CTNND1: variants seen among roughly 807,000 people sequenced by gnomAD.
CTNND1 encodes catenin delta 1.
Under a neutral mutation model 112.1 loss-of-function variants are expected in CTNND1, and 16 were observed. The observed-to-expected ratio is 0.14, with a 90% CI of 0.10 to 0.22. The LOEUF (loss-of-function observed/expected upper bound fraction) is 0.22. CTNND1 is among the 10% of genes least tolerant of loss of function. The pLI, the probability that CTNND1 is intolerant of heterozygous loss-of-function variation, is 1.00. For synonymous variants in CTNND1, 420 were observed against 446.5 expected (o/e 0.94, Z 0.75); for missense variants, 1,008 against 1,257.0 (o/e 0.80, Z 3.00).
intron 1 of CTNND1, among the ~76,000 whole-genome samples, chr11:57,765,368 A>G (rs1950790826): frequency 1.3e-5 from 2 of 152,164 alleles, no homozygotes; most frequent in Admixed American, 6.5e-5. Context: ...CTTGAAAGGA[A>G]GCAAAACAAC....
chr11:57,803,879 AT>A, intron 8 of CTNND1, 75 bp downstream of exon 8: 7 of 1,171,348 alleles, frequency 6.0e-6, no homozygotes, highest in African/African-American at 1.6e-5. Flanking sequence ...AAAAAAAAAA[AT>A]TAAAATTCTT....
chr11:57,785,985 A>G (rs931111809), intron 1 of CTNND1, among the ~76,000 whole-genome samples: 1 of 151,964 alleles, frequency 6.6e-6, no homozygotes, highest in Admixed American at 6.6e-5. Flanking sequence ...TATCATTATC[A>G]TTGCTTGGAT....
intron 15 of CTNND1, 27 bp downstream of exon 15, chr11:57,809,493 C>T (rs566839413): frequency 1.5e-5 from 23 of 1,578,948 alleles, no homozygotes; most frequent in Middle Eastern, 1.7e-4. Context: ...AAATTACAGT[C>T]AAAAGAATTT....
In CTNND1 at chr11:57,818,892, G is replaced by T. The variant is rs1010750543; in HGVS notation, c.*2584G>T. 2.0e-5 allele frequency: 3 copies of T among 152,100 alleles called. No homozygotes were observed. Among genetic ancestry groups the T allele is most frequent in the African/African-American group, 4.8e-5 (2 of 41,428 alleles). The allele number at this position is 152,100 out of a possible 1,614,324, so 9.4% of individuals were successfully genotyped here. A position where few individuals can be genotyped will look rare whatever the true frequency, so the allele number is the denominator to read the frequency against. ...TAATAGGAAAATGTAGGATCAAAAG[G>T]CCCATGTATATAAGTACTGACCACT... On this transcript the variant is annotated 3_prime_UTR_variant, in exon 21 of 21. Coordinates refer to ENST00000399050, the MANE Select transcript of CTNND1 (RefSeq NM_001085458.2).
chr11:57,797,285 C>G (rs1217133183), intron 6 of CTNND1, among the ~76,000 whole-genome samples: 1 of 148,672 alleles, frequency 6.7e-6, no homozygotes, highest in East Asian at 2.0e-4. Flanking sequence ...TGCTGGAGTA[C>G]AGGGGTGCCA....
intron 2 of CTNND1, among the ~76,000 whole-genome samples, chr11:57,789,506 C>G (rs1451171316): frequency 2.0e-5 from 3 of 152,120 alleles, no homozygotes; most frequent in Non-Finnish European, 2.9e-5. Context: ...CATAGACCCT[C>G]TAGATACTTG....
chr11:57,786,285 G>C (rs1246098452), intron 1 of CTNND1, among the ~76,000 whole-genome samples: 1 of 150,920 alleles, frequency 6.6e-6, no homozygotes, highest in Admixed American at 6.6e-5. Context: ...TGTAATCCCA[G>C]CACTATGGGA....
intron 1 of CTNND1, among the ~76,000 whole-genome samples, chr11:57,762,501 T>C (rs559230902): frequency 6.6e-6 from 1 of 152,350 alleles, no homozygotes; most frequent in Non-Finnish European, 1.5e-5. Context: ...CCGATGGTTC[T>C]TCATATGTTT....
intron 5 of CTNND1, among the ~76,000 whole-genome samples, chr11:57,796,056 G>T (rs1361449855): frequency 6.6e-6 from 1 of 152,088 alleles, no homozygotes; most frequent in Non-Finnish European, 1.5e-5. Flanking sequence ...GTGACCTAGG[G>T]ATATAAAGAT....
At chr11:57,771,044 CA>C (rs1436844392) in intron 1 of CTNND1, among the ~76,000 whole-genome samples, 6 of 150,998 alleles carry the variant, frequency 4.0e-5, no homozygotes, top group Non-Finnish European at 8.8e-5. Flanking sequence ...GAAGGTCAGC[CA>C]AATAGGCAGG....
At chr11:57,773,619 G>A (rs1231868785) in intron 1 of CTNND1, among the ~76,000 whole-genome samples, 1 of 149,020 alleles carries the variant, frequency 6.7e-6, no homozygotes, top group Non-Finnish European at 1.5e-5. Flanking sequence ...GCCTGGCTAT[G>A]TCTTTTTTTT....
At chr11:57,775,385 A>G (rs1489062237) in intron 1 of CTNND1, among the ~76,000 whole-genome samples, 1 of 151,910 alleles carries the variant, frequency 6.6e-6, no homozygotes, top group East Asian at 1.9e-4. Context: ...AGAGAAGTAC[A>G]GAAGATGGTT....
rs190500684 is a variant in CTNND1 at position 57,808,229 on chromosome 11, G to T, written c.2028G>T (p.Lys676Asn). 15 of 1,613,890 alleles carry T rather than the reference G, an allele frequency of 9.3e-6. No individual in the cohort carries two copies. In the African/African-American group the frequency reaches 1.6e-4, roughly 17 times the overall value. Reference protein sequence around the residue: ...RIYISLLKESKTPAILEASAG... With the variant: ...RIYISLLKESNTPAILEASAG... ...ACATCTCACTTCTTAAGGAGAGCAA[G>T]ACTCCTGCCATCCTAGAAGCCTCAG... Residue 676 changes from lysine to asparagine, a missense_variant, in exon 13 of 21, where the codon AAG becomes AAT. Physicochemically the swap from Lys to Asn is moderately conservative, Grantham distance 94. Coordinates refer to ENST00000399050, the MANE Select transcript of CTNND1 (RefSeq NM_001085458.2).
intron 4 of CTNND1, among the ~76,000 whole-genome samples, chr11:57,795,372 T>A (rs1390449728): frequency 6.6e-6 from 1 of 152,170 alleles, no homozygotes; most frequent in Non-Finnish European, 1.5e-5. Flanking sequence ...TCATGTTTGT[T>A]AAATGACTAC....
rs752934200 is a variant in CTNND1 at position 57,808,532 on chromosome 11, A to T, written c.2234A>T (p.Glu745Val). Reference protein sequence around the residue: ...RNLAVDARNKELIGKHAIPNL... With the variant: ...RNLAVDARNKVLIGKHAIPNL... ...CTGGCTGTGGATGCTCGCAACAAAGAATTAATTGGTGAGGAGTTGAATGCT... is the reference window on the plus strand; with the variant it reads ...CTGGCTGTGGATGCTCGCAACAAAGTATTAATTGGTGAGGAGTTGAATGCT... Residue 745 changes from glutamate to valine, a missense_variant, in exon 14 of 21, where the codon GAA (glutamate) becomes GTA (valine). Transcript: ENST00000399050. The T allele has an allele frequency of 6.3e-7, 1 of 1,598,942 alleles. No homozygotes were observed. The highest frequency in any genetic ancestry group is 1.8e-5 in the Admixed American group (1 of 56,408).
chr11:57,808,843 A>AT, intron 14 of CTNND1, among the ~76,000 whole-genome samples: 1 of 152,304 alleles, frequency 6.6e-6, no homozygotes, highest in African/African-American at 2.4e-5. Flanking sequence ...ACAAAGGTCC[A>AT]TTTTTTTAAA....
In CTNND1 at chr11:57,808,285, G is replaced by A. The variant is rs765744713; in HGVS notation, c.2084G>A (p.Arg695His). The change falls in exon 13 of 21, where the codon CGC (arginine) becomes CAC (histidine). Residue 695 changes from arginine (R) to histidine (H), a missense_variant. Physicochemically the swap from Arg to His is conservative, Grantham distance 29 (BLOSUM62 0). Around this residue, in one of 5 missense-constraint regions of CTNND1, gnomAD observed 254 missense variants for 279.5 expected, o/e 0.91. Coordinates refer to ENST00000399050, the MANE Select transcript of CTNND1 (RefSeq NM_001085458.2). ...AGAIQNLCAG[R>H]WTYGRYIRSA... The stretch of plus-strand genomic sequence containing the variant: ...GCTATCCAGAACTTGTGTGCTGGGC[G>A]CTGGACGGTACCTTTTAGAAAAGGG... 6.8e-6 allele frequency: 11 copies of A among 1,610,906 alleles called. No individual in the cohort carries two copies. The highest frequency in any genetic ancestry group is 1.7e-5 in the Admixed American group (1 of 59,960).
intron 4 of CTNND1, among the ~76,000 whole-genome samples, chr11:57,794,326 C>T (rs2061105646): frequency 6.6e-6 from 1 of 152,158 alleles, no homozygotes; most frequent in South Asian, 2.1e-4. Context: ...CCCATTTGAT[C>T]CCTAAGTACT....
intron 1 of CTNND1, among the ~76,000 whole-genome samples, chr11:57,764,792 T>A (rs921898719): frequency 6.6e-6 from 1 of 152,134 alleles, no homozygotes; most frequent in East Asian, 1.9e-4. Flanking sequence ...ACTGCCATTC[T>A]CCAGAGAGAA....
Sources: gnomAD v4.1 joint callset for allele counts (sites outside exome capture counted in the v4.1 genomes callset) on GRCh38, gnomAD v4.1.1 for gene constraint, gnomAD v4.1.1 regional missense constraint, MANE v1.5 for transcripts, NCBI Gene and HGNC (gene_info 2026-07-23, HGNC 2026-07-21) for gene names.